DCBLD2: variants seen among roughly 807,000 people sequenced by gnomAD.
The protein encoded by DCBLD2 is discoidin, CUB and LCCL domain containing 2.
A neutral mutation model predicts 86.8 loss-of-function variants in DCBLD2; 54 were observed. That is an observed-to-expected ratio of 0.62 (90% CI 0.50 to 0.78). The LOEUF is 0.78. Among genes scored for constraint, DCBLD2 ranks in the 30% least tolerant of loss-of-function variants. The pLI, the probability that DCBLD2 is intolerant of heterozygous loss-of-function variation, is 0.00. For missense variants in DCBLD2, 908 were observed against 954.2 expected, an observed-to-expected ratio of 0.95 and a Z score of 0.64; for synonymous variants, 354 against 341.3, an observed-to-expected ratio of 1.04 and a Z score of -0.41.
At position 98,832,819 on chromosome 3, in the gene DCBLD2, G is replaced by C. The variant is rs529920951; in HGVS notation, c.572-7453C>G. ...GAGAGGTCTGTTGCTAGCCTGATGG[G>C]GTTCCCTTTGTTGGTGATCTGCCCT... On this transcript the variant is annotated intron_variant, in intron 3 of 15. Transcript: ENST00000326840. 7.8e-4 allele frequency among the ~76,000 whole-genome samples: 119 copies of C among 152,154 alleles called. 2 individuals carry two copies. The highest frequency in any genetic ancestry group is 1.3e-3 in the Non-Finnish European group (87 of 67,998).
At chr3:98,826,238 C>G (rs1299403234) in intron 3 of DCBLD2, among the ~76,000 whole-genome samples, 2 of 152,190 alleles carry the variant, frequency 1.3e-5, no homozygotes, top group South Asian at 4.1e-4. Flanking sequence ...GACAGCAAAG[C>G]CTTCAACACA....
At chr3:98,842,020 G>A (rs903474705) in intron 3 of DCBLD2, among the ~76,000 whole-genome samples, 2 of 152,180 alleles carry the variant, frequency 1.3e-5, no homozygotes, top group African/African-American at 2.4e-5. Context: ...AGCTGAGATC[G>A]TGCCACTGTA....
At chr3:98,823,076 T>C (rs1942153397) in intron 4 of DCBLD2, among the ~76,000 whole-genome samples, 1 of 152,134 alleles carries the variant, frequency 6.6e-6, no homozygotes, top group African/African-American at 2.4e-5. Flanking sequence ...TTTCACCATG[T>C]TGGCCAGGCT....
chr3:98,825,877 C>G (rs139789506), intron 3 of DCBLD2, among the ~76,000 whole-genome samples: 38 of 151,806 alleles, frequency 2.5e-4, no homozygotes, highest in Non-Finnish European at 4.9e-4. Context: ...AAAATCTGGT[C>G]CAGAGACAGG....
intron 12 of DCBLD2, among the ~76,000 whole-genome samples, chr3:98,809,524 G>A (rs1420771250): frequency 7.2e-5 from 11 of 152,118 alleles, no homozygotes; most frequent in Admixed American, 7.2e-4. Context: ...AGAGGATACA[G>A]ATAGGTTTGT....
rs1276185732 is a variant in DCBLD2, at chr3:98,817,903, G to T, written c.1088-10C>A. The T allele has an allele frequency of 6.2e-7, 1 of 1,612,040 alleles. No homozygotes were observed. The highest frequency in any genetic ancestry group is 8.5e-7 in the Non-Finnish European group (1 of 1,178,796). On this transcript the variant is annotated splice_polypyrimidine_tract_variant and intron_variant, in intron 8 of 15. Transcript: ENST00000326840. ...CCAGTGGTTATAATGCCTGGGGAAT[G>T]AAGAGTTGCTTTCATTAATGCACAT...
intron 3 of DCBLD2, among the ~76,000 whole-genome samples, chr3:98,827,787 T>C (rs1942248181): frequency 6.6e-6 from 1 of 152,234 alleles, no homozygotes; most frequent in African/African-American, 2.4e-5. Flanking sequence ...CAGAAAATTG[T>C]CATTACTACA....
chr3:98,883,191 TCA>T, intron 1 of DCBLD2, among the ~76,000 whole-genome samples: 3 of 151,538 alleles, frequency 2.0e-5, no homozygotes, highest in Non-Finnish European at 4.4e-5. Context: ...AGCATTTTTT[TCA>T]TATGTTTGTT....
intron 6 of DCBLD2, 134 bp downstream of exon 6, chr3:98,822,094 G>A (rs1394048941): frequency 1.8e-6 from 2 of 1,082,788 alleles, no homozygotes; most frequent in East Asian, 4.8e-5. Context: ...TAATGTGAGT[G>A]CTTACTGCCT....
At chr3:98,827,108 AAACC>A (rs1261486771) in intron 3 of DCBLD2, among the ~76,000 whole-genome samples, 1 of 152,182 alleles carries the variant, frequency 6.6e-6, no homozygotes, top group African/African-American at 2.4e-5. Flanking sequence ...TAATAGTTAT[AAACC>A]ACAGGCATTT....
intron 2 of DCBLD2, among the ~76,000 whole-genome samples, chr3:98,857,963 C>T (rs536892375): frequency 1.2e-4 from 18 of 152,384 alleles, no homozygotes; most frequent in African/African-American, 3.8e-4. Context: ...AGTCCCGCGC[C>T]GTGCGCCCGC....
At chr3:98,864,442 T>A (rs2107503380) in intron 2 of DCBLD2, among the ~76,000 whole-genome samples, 1 of 152,262 alleles carries the variant, frequency 6.6e-6, no homozygotes, top group Admixed American at 6.5e-5. Flanking sequence ...TAGCAAAGAC[T>A]TGGAACCAAC....
At chr3:98,850,087 T>C (rs1229191735) in intron 2 of DCBLD2, among the ~76,000 whole-genome samples, 1 of 152,204 alleles carries the variant, frequency 6.6e-6, no homozygotes, top group African/African-American at 2.4e-5. Flanking sequence ...TAGGTGATCA[T>C]ATCTGATCCC....
rs912275765 is a variant in DCBLD2 at position 98,801,618 on chromosome 3, G to A, written c.1702C>T (p.Pro568Ser). Residue 568 changes from proline (P) to serine (S), a missense_variant, in exon 14 of 16, where the codon CCT becomes TCT. Transcript: ENST00000326840. Reference protein sequence around the residue: ...KKKTEGTYDLPYWDRAGWWKG... With the variant: ...KKKTEGTYDLSYWDRAGWWKG... ...GAGTTACCTGCCCGGTCCCAGTAAG[G>A]TAAGTCATAGGTGCCTTCAGTTTTT... 1 of 1,610,094 alleles carries A rather than the reference G, an allele frequency of 6.2e-7. No homozygotes were observed. Among genetic ancestry groups the A allele is most frequent in the African/African-American group, 1.3e-5 (1 of 74,810 alleles).
chr3:98,828,800 A>G (rs527357402), intron 3 of DCBLD2, among the ~76,000 whole-genome samples: 17 of 152,356 alleles, frequency 1.1e-4, no homozygotes, highest in Admixed American at 8.5e-4. Context: ...AATGGGGTGT[A>G]TATACATACA....
At chr3:98,836,412 A>G (rs1942449255) in intron 3 of DCBLD2, among the ~76,000 whole-genome samples, 1 of 151,226 alleles carries the variant, frequency 6.6e-6, no homozygotes, top group African/African-American at 2.4e-5. Flanking sequence ...GAACCCATGG[A>G]AATTATTTTT....
chr3:98,843,548 T>C (rs1208374479), intron 3 of DCBLD2, among the ~76,000 whole-genome samples: 2 of 152,200 alleles, frequency 1.3e-5, no homozygotes, highest in Non-Finnish European at 2.9e-5. Context: ...AAAGGAATTA[T>C]CTAGTCAGCC....
intron 2 of DCBLD2, among the ~76,000 whole-genome samples, chr3:98,864,310 T>G (rs1246217444): frequency 6.6e-6 from 1 of 152,210 alleles, no homozygotes; most frequent in Admixed American, 6.5e-5. Flanking sequence ...TCCTCAAGTA[T>G]CTAGAACTTA....
chr3:98,857,678 G>A (rs1164913872), intron 2 of DCBLD2, among the ~76,000 whole-genome samples: 3 of 152,138 alleles, frequency 2.0e-5, no homozygotes, highest in Non-Finnish European at 4.4e-5. Context: ...AGTGCCGATT[G>A]GTGTATTTAC....
Sources: gnomAD v4.1 joint callset for allele counts (sites outside exome capture counted in the v4.1 genomes callset) on GRCh38, gnomAD v4.1.1 for gene constraint, MANE v1.5 for transcripts, NCBI Gene and HGNC (gene_info 2026-07-23, HGNC 2026-07-21) for gene names.